The following IQSEC1 variants were observed in gnomAD, a reference collection of about 807,000 sequenced individuals.
IQSEC1 encodes the protein IQ motif and Sec7 domain ArfGEF 1.
Under a neutral mutation model 91.0 loss-of-function variants are expected in IQSEC1, and 31 were observed. The ratio of observed to expected loss-of-function variants is 0.34; its 90% CI spans 0.26 to 0.46. IQSEC1 has a LOEUF of 0.46. IQSEC1 is among the 20% of genes least tolerant of loss of function. IQSEC1 has a pLI of 1.00. For missense variants in IQSEC1, 1,388 were observed against 1,575.6 expected, an observed-to-expected ratio of 0.88 and a Z score of 2.02; for synonymous variants, 699 against 662.6, an observed-to-expected ratio of 1.05 and a Z score of -0.84.
intron 1 of IQSEC1, among the ~76,000 whole-genome samples, chr3:12,982,280 A>G (rs943429699): frequency 5.3e-5 from 8 of 152,158 alleles, no homozygotes; most frequent in African/African-American, 1.7e-4. Flanking sequence ...CTCCCTGTAC[A>G]CTCTCAACTG....
rs1702659637 is a variant in IQSEC1 at position 13,006,891 on chromosome 3, C to T, written c.24-65026G>A. ...AGATGCCTGGGGTCTGTGCTCTGGG[C>T]CGGGCTCTGACTGGCGGAGCCCCTG... is the stretch of plus-strand genomic sequence containing the variant. On this transcript the variant is annotated intron_variant, in intron 1 of 13. Coordinates refer to ENST00000613206, the MANE Select transcript of IQSEC1 (RefSeq NM_001134382.3). Among the ~76,000 whole-genome samples, 3 of 152,348 alleles carry T rather than the reference C, an allele frequency of 2.0e-5. No individual in the cohort carries two copies. In the South Asian group the frequency reaches 6.2e-4, roughly 32 times the overall value.
intron 2 of IQSEC1, among the ~76,000 whole-genome samples, chr3:13,094,249 G>A (rs1201705926): frequency 6.6e-6 from 1 of 152,202 alleles, no homozygotes; most frequent in Non-Finnish European, 1.5e-5. Flanking sequence ...GGAGATCATG[G>A]AAGAGGCAGG....
intron 2 of IQSEC1, among the ~76,000 whole-genome samples, chr3:13,102,032 C>G (rs1421775074): frequency 1.3e-5 from 2 of 152,144 alleles, no homozygotes; most frequent in African/African-American, 4.8e-5. Flanking sequence ...AATCTCAGCA[C>G]TTTGGGAGGC....
At chr3:13,200,928 CG>C (rs1694232953) in intron 1 of IQSEC1, among the ~76,000 whole-genome samples, 1 of 152,106 alleles carries the variant, frequency 6.6e-6, no homozygotes, top group Admixed American at 6.6e-5. Context: ...AGTGGAAAGC[CG>C]TAACATGCAC....
intron 3 of IQSEC1, among the ~76,000 whole-genome samples, chr3:12,928,603 C>T (rs565801115): frequency 4.6e-5 from 7 of 152,324 alleles, no homozygotes; most frequent in African/African-American, 1.7e-4. Flanking sequence ...TTGCTACCCT[C>T]CCCTACTCCT....
chr3:12,994,160 C>CGGGGGGGCGG lies in IQSEC1; in HGVS notation c.24-52305_24-52296dup, dbSNP rs1159375669. Among the ~76,000 whole-genome samples the CGGGGGGGCGG allele has an allele frequency of 3.4e-5, 5 of 146,222 alleles. No individual in the cohort carries two copies. The highest frequency in any genetic ancestry group is 9.8e-5 in the African/African-American group (4 of 40,724). ...CCCCAGAGCGTCCGGTGGCCGGGCG[C>CGGGGGGGCGG]GGGGGGGCGGGGGCGGGCGCTCGGG... On this transcript the variant is annotated intron_variant, in intron 1 of 13. Coordinates refer to ENST00000613206, the MANE Select transcript of IQSEC1 (RefSeq NM_001134382.3). This position sits in a 1 kb window ranked among gnomAD's most constrained non-coding sequence, Gnocchi z 4.5.
At chr3:13,159,206 G>C (rs1187680301) in intron 2 of IQSEC1, among the ~76,000 whole-genome samples, 1 of 152,156 alleles carries the variant, frequency 6.6e-6, no homozygotes, top group Non-Finnish European at 1.5e-5. Context: ...GAGGCAAGCG[G>C]ATTACTTGAG....
chr3:12,953,200 C>T (rs938546859), intron 1 of IQSEC1, among the ~76,000 whole-genome samples: 12 of 152,214 alleles, frequency 7.9e-5, no homozygotes, highest in African/African-American at 2.4e-4. Context: ...ACACCCACAG[C>T]GCTGTCTCCA....
intron 1 of IQSEC1, among the ~76,000 whole-genome samples, chr3:12,980,576 A>C (rs1000656795): frequency 1.3e-5 from 2 of 152,256 alleles, no homozygotes; most frequent in Non-Finnish European, 2.9e-5. Flanking sequence ...CAATTTGTTC[A>C]ACATGCCAGC....
chr3:13,051,250 G>A (rs1277364120), intron 1 of IQSEC1, among the ~76,000 whole-genome samples: 1 of 152,212 alleles, frequency 6.6e-6, no homozygotes, highest in Non-Finnish European at 1.5e-5. Flanking sequence ...GCTGAGTGAG[G>A]CCCCTCCTCC....
intron 1 of IQSEC1, among the ~76,000 whole-genome samples, chr3:13,265,212 C>T (rs1052823736): frequency 3.3e-5 from 5 of 152,228 alleles, no homozygotes; most frequent in African/African-American, 7.2e-5. Flanking sequence ...AGATCCCTGC[C>T]GGCCCCACCA....
intron 2 of IQSEC1, among the ~76,000 whole-genome samples, chr3:12,939,090 T>C (rs533290963): frequency 6.6e-6 from 1 of 152,316 alleles, no homozygotes; most frequent in African/African-American, 2.4e-5. Context: ...CATACCCTCA[T>C]GCCACCTCAC....
rs987192489 is a variant in IQSEC1, at chr3:12,924,813, C to T, written c.1569-71G>A. Reference sequence around the variant, plus strand: ...CAGCCAGGCACCTGGAGGGGATCTCCGCTCAGTGGACGGTCGACATTCTCC... The same window carrying T: ...CAGCCAGGCACCTGGAGGGGATCTCTGCTCAGTGGACGGTCGACATTCTCC... On this transcript the variant is annotated intron_variant, in intron 3 of 13. Transcript: ENST00000613206. This position sits in a 1 kb window ranked among gnomAD's most constrained non-coding sequence, Gnocchi z 6.3. 13 of 1,413,624 alleles carry T rather than the reference C, an allele frequency of 9.2e-6. No homozygotes were observed. Among genetic ancestry groups the T allele is most frequent in the South Asian group, 2.8e-5 (2 of 72,210 alleles). 87.6% of individuals were successfully genotyped at this position (1,413,624 alleles called of 1,614,324 possible).
chr3:13,066,303 T>C (rs906473228), intron 1 of IQSEC1, among the ~76,000 whole-genome samples: 1 of 152,302 alleles, frequency 6.6e-6, no homozygotes, highest in African/African-American at 2.4e-5. Flanking sequence ...TTAAAAATGG[T>C]GATTTGTACC....
At chr3:13,028,186 C>T (rs1158773278) in intron 1 of IQSEC1, among the ~76,000 whole-genome samples, 1 of 152,066 alleles carries the variant, frequency 6.6e-6, no homozygotes, top group Non-Finnish European at 1.5e-5. Flanking sequence ...AGGGTTTGGC[C>T]CAGAGGGGGA....
In IQSEC1 at chr3:12,945,530, CAAAA is replaced by C. The variant is rs1264625719; in HGVS notation, c.24-3669_24-3666del. Among the ~76,000 whole-genome samples the C allele has an allele frequency of 1.1e-4, 13 of 119,238 alleles. 1 individual carries two copies. The highest frequency in any genetic ancestry group is 7.0e-4 in the Admixed American group (8 of 11,470). The allele number at this position is 119,238 out of a possible 152,430, so 78.2% of individuals were successfully genotyped here. A position where few individuals can be genotyped will look rare whatever the true frequency, so the allele number is the denominator to read the frequency against. ...GCAATGTGGCAGCCCTTCCACACTCCAAAAAAAAAAAAAAAAATCAAACCCAACT... is the reference window on the plus strand; with the variant it reads ...GCAATGTGGCAGCCCTTCCACACTCCAAAAAAAAAAAAATCAAACCCAACT... On this transcript the variant is annotated intron_variant, in intron 1 of 13. Transcript: ENST00000613206.
rs1007366290 is a variant in IQSEC1, at chr3:13,236,675, C to T, written c.272+46036G>A. Among the ~76,000 whole-genome samples the T allele has an allele frequency of 2.0e-5, 3 of 152,186 alleles. No homozygotes were observed. The South Asian group carries it at 6.2e-4, about 32-fold the overall frequency. ...GGTGGAGATAGCAGCCAGCTGGGTC[C>T]ACAGACGTGAGAAGGCGCCAGCTCC... On this transcript the variant is annotated intron_variant, in intron 1 of 15. Transcript: ENST00000648114.
chr3:13,227,294 C>G (rs531857275), intron 1 of IQSEC1, among the ~76,000 whole-genome samples: 1 of 146,232 alleles, frequency 6.8e-6, no homozygotes, highest in African/African-American at 2.5e-5. Flanking sequence ...GAGAATTACT[C>G]GAACCCGGGA....
At chr3:13,004,386 A>G (rs918883549) in intron 1 of IQSEC1, among the ~76,000 whole-genome samples, 5 of 152,190 alleles carry the variant, frequency 3.3e-5, no homozygotes, top group African/African-American at 1.2e-4. Context: ...GTTGAGATGC[A>G]GCTGGGGGCC....
Sources: allele counts gnomAD v4.1 joint callset (sites outside exome capture counted in the v4.1 genomes callset), GRCh38; gene constraint gnomAD v4.1.1; non-coding constraint Gnocchi (gnomAD v3.1); transcripts MANE v1.5; gene names NCBI Gene and HGNC (gene_info 2026-07-23, HGNC 2026-07-21).